Variants in HPSE observed in about 807,000 individuals in gnomAD.
HPSE encodes endo-glucoronidase.
HPSE carries 48 observed loss-of-function variants against 65.1 expected under a neutral mutation model. The observed-to-expected ratio is 0.74, with a 90% CI of 0.58 to 0.94. HPSE has a LOEUF of 0.94. Ranked by LOEUF, HPSE falls within the 40% of genes least tolerant of loss-of-function variation. The pLI is 0.00. For missense variants in HPSE, 644 were observed against 637.5 expected, an observed-to-expected ratio of 1.01 and a Z score of -0.11; for synonymous variants, 243 against 260.0, an observed-to-expected ratio of 0.93 and a Z score of 0.63.
intron 1 of HPSE, among the ~76,000 whole-genome samples, chr4:83,323,504 A>AACACACACAC (rs60575393): frequency 6.7e-6 from 1 of 149,964 alleles, no homozygotes; most frequent in African/African-American, 2.5e-5. Context: ...GTCTATTTAA[A>AACACACACAC]ACACACACAC....
At chr4:83,331,396 C>G (rs781595249) in intron 1 of HPSE, among the ~76,000 whole-genome samples, 10 of 152,076 alleles carry the variant, frequency 6.6e-5, no homozygotes, top group African/African-American at 1.4e-4. Flanking sequence ...TCACTTGTTT[C>G]TTTTTACCTT....
intron 3 of HPSE, among the ~76,000 whole-genome samples, chr4:83,315,482 C>T (rs1040557931): frequency 6.6e-6 from 1 of 152,154 alleles, no homozygotes; most frequent in African/African-American, 2.4e-5. Context: ...ATCACGCAGC[C>T]GTTTGGTGGC....
chr4:83,304,661 A>G (rs1560505752), intron 9 of HPSE, among the ~76,000 whole-genome samples: 1 of 152,154 alleles, frequency 6.6e-6, no homozygotes, highest in South Asian at 2.1e-4. Flanking sequence ...CCTTGTATCA[A>G]TTTTTAAAAT....
intron 4 of HPSE, among the ~76,000 whole-genome samples, chr4:83,311,570 G>A (rs1043439216): frequency 2.0e-5 from 3 of 152,040 alleles, no homozygotes; most frequent in African/African-American, 7.2e-5. Context: ...TTAGAAGGCC[G>A]AGGCAGGAGG....
intron 3 of HPSE, among the ~76,000 whole-genome samples, chr4:83,314,764 C>G (rs186923482): frequency 6.6e-6 from 1 of 152,304 alleles, no homozygotes; most frequent in Non-Finnish European, 1.5e-5. Context: ...CTCTATCTAT[C>G]TGGCAAACTT....
At chr4:83,298,851 A>C (rs1453899187) in intron 11 of HPSE, among the ~76,000 whole-genome samples, 1 of 152,130 alleles carries the variant, frequency 6.6e-6, no homozygotes, top group East Asian at 1.9e-4. Context: ...AATGATAGTA[A>C]TAATTTTTAA....
chr4:83,319,968 C>T (rs1001019943), intron 2 of HPSE, among the ~76,000 whole-genome samples: 1 of 145,878 alleles, frequency 6.9e-6, no homozygotes, highest in African/African-American at 2.6e-5. Context: ...TGCAGTGAGC[C>T]GAGATCACGT....
At position 83,302,259 on chromosome 4, in the gene HPSE, G is replaced by GC; in HGVS notation, c.1215dup (p.Leu406AlafsTer36). 6.2e-7 allele frequency: 1 copy of GC among 1,608,124 alleles called. No homozygotes were observed. Among genetic ancestry groups the GC allele is most frequent in the Non-Finnish European group, 8.5e-7 (1 of 1,174,758 alleles). On this transcript the variant is annotated frameshift_variant, in exon 10 of 12. Transcript: ENST00000311412. LOFTEE classifies it high-confidence loss of function. Reference sequence around the variant, plus strand: ...ACCAATTTCTTGAACAGAAGAGATAGCCAATAATCCTAGTTGTGGTGGTTG... The same window carrying GC: ...ACCAATTTCTTGAACAGAAGAGATAGCCCAATAATCCTAGTTGTGGTGGTTG...
chr4:83,333,184 G>C (rs965891687), intron 1 of HPSE, among the ~76,000 whole-genome samples: 4 of 152,208 alleles, frequency 2.6e-5, no homozygotes, highest in African/African-American at 9.7e-5. Flanking sequence ...CCATGTCCTA[G>C]AAAGAAACAA....
At chr4:83,324,670 G>A (rs982898157) in intron 1 of HPSE, among the ~76,000 whole-genome samples, 1 of 152,122 alleles carries the variant, frequency 6.6e-6, no homozygotes, top group Non-Finnish European at 1.5e-5. Context: ...TCAAAACCAC[G>A]GCTAAATAAA....
intron 11 of HPSE, among the ~76,000 whole-genome samples, chr4:83,297,968 G>A (rs1179392416): frequency 6.6e-6 from 1 of 152,188 alleles, no homozygotes; most frequent in Non-Finnish European, 1.5e-5. Flanking sequence ...AAGTTTAAAG[G>A]TAAATCTGAT....
intron 1 of HPSE, among the ~76,000 whole-genome samples, chr4:83,322,833 G>T (rs1736976416): frequency 6.9e-6 from 1 of 144,356 alleles, no homozygotes; most frequent in African/African-American, 2.7e-5. Flanking sequence ...GTGTGTGTGT[G>T]TGTGTTTGTG....
At position 83,334,708 on chromosome 4, in the gene HPSE, G is replaced by A. The variant is rs760830754; in HGVS notation, c.75C>T (p.Ser25=). The change falls in exon 1 of 12, where the codon TCC becomes TCT. Residue 25 remains serine, a synonymous_variant. Coordinates refer to ENST00000311412, the MANE Select transcript of HPSE (RefSeq NM_001098540.3). ...GCGCAGGTCGGGGCAGGGCGCCAGGGGAGAGGGGACCCAGCGGCCCCAGGA... is the reference window on the plus strand; with the variant it reads ...GCGCAGGTCGGGGCAGGGCGCCAGGAGAGAGGGGACCCAGCGGCCCCAGGA... The part of the protein sequence containing the change: ...LLLLGPLGPL[S]PGALPRPAQA... 1.3e-6 allele frequency: 2 copies of A among 1,568,428 alleles called. No individual in the cohort carries two copies. The highest frequency in any genetic ancestry group is 8.6e-7 in the Non-Finnish European group (1 of 1,156,456).
At chr4:83,295,604 T>C in intron 11 of HPSE, 101 bp from the exon 12 acceptor site, 2 of 892,138 alleles carry the variant, frequency 2.2e-6, no homozygotes, top group South Asian at 4.8e-5. Context: ...TAAATTTTTT[T>C]TTGTGGCAGC....
In HPSE at chr4:83,308,852, C is replaced by T; in HGVS notation, c.1084G>A (p.Gly362Ser). The T allele has an allele frequency of 6.2e-7, 1 of 1,613,440 alleles. No individual in the cohort carries two copies. The highest frequency in any genetic ancestry group is 8.5e-7 in the Non-Finnish European group (1 of 1,179,562). The change falls in exon 8 of 12, where the codon GGC becomes AGC. Residue 362 changes from glycine (G) to serine (S), a missense_variant. Gly to Ser is a moderately conservative substitution (Grantham distance 56). Coordinates refer to ENST00000311412, the MANE Select transcript of HPSE (RefSeq NM_001098540.3). ...CAGCGCTGCTTCACTCACATAAAGCCAGCTGCAAAGGTGTCGGATAGCAAG... is the reference window on the plus strand; with the variant it reads ...CAGCGCTGCTTCACTCACATAAAGCTAGCTGCAAAGGTGTCGGATAGCAAG... ...APLLSDTFAA[G>S]FMWLDKLGLS...
upstream of HPSE, chr4:83,334,856 G>C (rs747103971): frequency 7.0e-7 from 1 of 1,436,970 alleles, no homozygotes; most frequent in East Asian, 2.5e-5. Flanking sequence ...ACTTCCTCCC[G>C]CCGAGCCCCA....
intron 1 of HPSE, among the ~76,000 whole-genome samples, chr4:83,329,076 T>C (rs1219975800): frequency 6.6e-6 from 1 of 151,812 alleles, no homozygotes; most frequent in East Asian, 1.9e-4. Flanking sequence ...AAGTAGAGAA[T>C]GTGAAAGGCA....
At chr4:83,310,513 T>A (rs115487484) in intron 5 of HPSE, among the ~76,000 whole-genome samples, 1,777 of 151,976 alleles carry the variant, frequency 0.012, 38 homozygotes, top group African/African-American at 0.041. Context: ...TACAAAAAAA[T>A]TTTTTTAAAG....
chr4:83,334,740 G>T lies in HPSE; in HGVS notation c.43C>A (p.Leu15Met), dbSNP rs866027066. 1 of 1,557,918 alleles carries T rather than the reference G, an allele frequency of 6.4e-7. No homozygotes were observed. The highest frequency in any genetic ancestry group is 1.2e-5 in the South Asian group (1 of 84,610). Reference sequence around the variant, plus strand: ...GGACCCAGCGGCCCCAGGAGCAGCAGCATCAGCGGCGGCGGCAGCGCAGGC... The same window carrying T: ...GGACCCAGCGGCCCCAGGAGCAGCATCATCAGCGGCGGCGGCAGCGCAGGC... ...SKPALPPPLM[L>M]LLLGPLGPLS... The change falls in exon 1 of 12, where the codon CTG (leucine) becomes ATG (methionine). Residue 15 changes from leucine (L) to methionine (M), a missense_variant. Transcript: ENST00000311412.
Sources: gnomAD v4.1 joint callset for allele counts (sites outside exome capture counted in the v4.1 genomes callset) on GRCh38, gnomAD v4.1.1 for gene constraint, MANE v1.5 for transcripts, NCBI Gene and HGNC (gene_info 2026-07-23, HGNC 2026-07-21) for gene names.